Variants in CHLSN observed in about 807,000 individuals in gnomAD.
CHLSN encodes the protein protein cholesin.
At chr7:998,979 C>T in the CHLSN span, among the ~76,000 whole-genome samples, 1 of 151,920 alleles carries the variant, frequency 6.6e-6, no homozygotes, top group African/African-American at 2.4e-5. Context: ...TCGGCATGTT[C>T]GTAAATATGT....
chr7:1,005,302 T>C, the CHLSN span, among the ~76,000 whole-genome samples: 53,729 of 151,896 alleles, frequency 0.35, 9,844 homozygotes, highest in African/African-American at 0.47. Flanking sequence ...AACAAACAAA[T>C]CAACCCACAA....
At chr7:1,015,451 T>C in the CHLSN span, among the ~76,000 whole-genome samples, 1 of 152,222 alleles carries the variant, frequency 6.6e-6, no homozygotes, top group African/African-American at 2.4e-5. Context: ...AGCTGTCAGC[T>C]GCCAGTGCCC....
the CHLSN span, among the ~76,000 whole-genome samples, chr7:1,070,486 GGCACACGA>G: frequency 6.0e-5 from 9 of 148,988 alleles, no homozygotes; most frequent in East Asian, 1.6e-3. Flanking sequence ...TACGCACACG[GGCACACGA>G]ATGCACGCGC....
At chr7:1,015,490 G>A in the CHLSN span, among the ~76,000 whole-genome samples, 30 of 152,198 alleles carry the variant, frequency 2.0e-4, no homozygotes, top group Non-Finnish European at 2.5e-4. Flanking sequence ...CTGGACTCAG[G>A]GTTTAGAAAA....
chr7:1,113,595 G>C, the CHLSN span, among the ~76,000 whole-genome samples: 1 of 152,176 alleles, frequency 6.6e-6, no homozygotes, highest in Non-Finnish European at 1.5e-5. Context: ...GGGACTCGGA[G>C]CTCATCTACT....
the CHLSN span, among the ~76,000 whole-genome samples, chr7:1,088,638 A>G: frequency 5.9e-5 from 9 of 151,896 alleles, no homozygotes; most frequent in South Asian, 2.1e-4. The surrounding 1 kb of genome is among the most constrained non-coding windows in gnomAD (Gnocchi z 4.5). Flanking sequence ...GAGGGTGCCC[A>G]CTCTGCCCTG....
the CHLSN span, among the ~76,000 whole-genome samples, chr7:1,135,772 A>AATATATATAT: frequency 9.5e-4 from 92 of 97,338 alleles, 1 homozygote; most frequent in African/African-American, 4.4e-3. Context: ...CTCAAAAAGA[A>AATATATATAT]ATATATATAT....
chr7:1,113,437 C>T, the CHLSN span, among the ~76,000 whole-genome samples: 25 of 152,278 alleles, frequency 1.6e-4, no homozygotes, highest in Admixed American at 8.5e-4. Context: ...TGTTCCTGTT[C>T]GGAGCAGGTG....
the CHLSN span, among the ~76,000 whole-genome samples, chr7:1,041,214 C>CGGTACCTGGGATCCGCGCTGCGGGGAAG: frequency 9.3e-6 from 1 of 107,480 alleles, no homozygotes; most frequent in African/African-American, 4.5e-5. Flanking sequence ...CTGCAGGGAA[C>CGGTACCTGGGATCCGCGCTGCGGGGAAG]GGGACCTGGG....
the CHLSN span, among the ~76,000 whole-genome samples, chr7:1,071,722 T>G: frequency 6.6e-6 from 1 of 152,166 alleles, no homozygotes; most frequent in Non-Finnish European, 1.5e-5. Flanking sequence ...AGTCCTATGA[T>G]GCACGCCCAC....
chr7:1,060,899 C>A, the CHLSN span, among the ~76,000 whole-genome samples: 1 of 152,216 alleles, frequency 6.6e-6, no homozygotes, highest in South Asian at 2.1e-4. Flanking sequence ...CACAAGCCCA[C>A]AGAACCCTGC....
chr7:1,002,039 T>G, the CHLSN span, among the ~76,000 whole-genome samples: 441 of 11,110 alleles, frequency 0.04, no homozygotes, highest in Admixed American at 0.076. Flanking sequence ...TCCTGTGGGT[T>G]AGTGGAGTCC....
the CHLSN span, among the ~76,000 whole-genome samples, chr7:1,128,817 G>A: frequency 1.4e-4 from 1 of 7,006 alleles, no homozygotes; most frequent in Non-Finnish European, 2.2e-4. Context: ...GCGCCATCTC[G>A]GCTCATCCCA....
the CHLSN span, among the ~76,000 whole-genome samples, chr7:1,113,481 C>T: frequency 1.0e-3 from 153 of 152,252 alleles, 1 homozygote; most frequent in Non-Finnish European, 1.8e-3. Flanking sequence ...GGACTTGCTT[C>T]GACCGTCCAC....
chr7:1,040,182 TTAAAAAAA>T, the CHLSN span, among the ~76,000 whole-genome samples: 1 of 96,060 alleles, frequency 1.0e-5, no homozygotes, highest in South Asian at 3.2e-4. Context: ...AAAAATAAAT[TTAAAAAAA>T]AAAAAAAAAA....
chr7:1,006,349 C>T, the CHLSN span, among the ~76,000 whole-genome samples: 1 of 150,950 alleles, frequency 6.6e-6, no homozygotes, highest in African/African-American at 2.4e-5. Flanking sequence ...ACGGTCACAG[C>T]ACAGGGAAAG....
At chr7:1,017,575 G>A in the CHLSN span, among the ~76,000 whole-genome samples, 1 of 152,232 alleles carries the variant, frequency 6.6e-6, no homozygotes, top group Non-Finnish European at 1.5e-5. Context: ...ACACAGCGGG[G>A]TGGAGGACAG....
chr7:1,127,796 C>A, the CHLSN span, among the ~76,000 whole-genome samples: 2 of 71,906 alleles, frequency 2.8e-5, no homozygotes, highest in African/African-American at 2.3e-4. Flanking sequence ...GTGGCACGAT[C>A]TCGGCTGATC....
chr7:984,715 C>A, the CHLSN span: 1 of 1,279,140 alleles, frequency 7.8e-7, no homozygotes, highest in Non-Finnish European at 1.1e-6. Context: ...CGGGCTGGTG[C>A]TGAGAAGGGC....
Sources: gnomAD v4.1 joint callset for allele counts (sites outside exome capture counted in the v4.1 genomes callset) on GRCh38, gnomAD v4.1.1 for gene constraint, Gnocchi (gnomAD v3.1) non-coding constraint, MANE v1.5 for transcripts, NCBI Gene and HGNC (gene_info 2026-07-23, HGNC 2026-07-21) for gene names.